The following DNM3 variants were observed in gnomAD, a reference collection of about 807,000 sequenced individuals.
DNM3 encodes dynamin-3.
In DNM3, 47 loss-of-function variants were observed where a neutral mutation model predicts 101.6. The observed-to-expected ratio is 0.46, with a 90% CI of 0.37 to 0.59. The LOEUF is 0.59. Among genes scored for constraint, DNM3 ranks in the 20% least tolerant of loss-of-function variants. The probability of loss-of-function intolerance (pLI) is 0.00; values close to 1 mark genes in which losing one functional copy is unlikely to be tolerated. For missense variants in DNM3, 849 were observed against 1,085.7 expected, an observed-to-expected ratio of 0.78 and a Z score of 3.06; for synonymous variants, 385 against 387.9, an observed-to-expected ratio of 0.99 and a Z score of 0.09.
chr1:172,010,555 C>A (rs1268895629), intron 4 of DNM3, among the ~76,000 whole-genome samples: 2 of 144,768 alleles, frequency 1.4e-5, no homozygotes, highest in Non-Finnish European at 3.0e-5. Flanking sequence ...GAGAAGTCTA[C>A]TGTTATTAGT....
In DNM3 at chr1:172,283,780, A is replaced by AAAAAAAAAAAAAAAAAG. The variant is rs1553221113; in HGVS notation, c.1770-24945_1770-24944insAAAAAAAAAAAAAGAAA. Among the ~76,000 whole-genome samples the AAAAAAAAAAAAAAAAAG allele has an allele frequency of 6.1e-4, 73 of 119,004 alleles. 1 individual carries two copies. Among genetic ancestry groups the AAAAAAAAAAAAAAAAAG allele is most frequent in the African/African-American group, 2.3e-3 (67 of 29,560 alleles). The allele number at this position is 119,004 out of a possible 152,430, so 78.1% of individuals were successfully genotyped here. A position where few individuals can be genotyped will look rare whatever the true frequency, so the allele number is the denominator to read the frequency against. ...ATCTCAAAAAAAAAAAAAAAAAAAAAAAAGAAAGAAAGAAAGAAAACCAAG... is the reference window on the plus strand; with the variant it reads ...ATCTCAAAAAAAAAAAAAAAAAAAAAAAAAAAAAAAAAAAAAGAAAGAAAGAAAGAAAGAAAACCAAG... On this transcript the variant is annotated intron_variant, in intron 15 of 20. Transcript: ENST00000627582.
At chr1:171,898,325 G>A (rs1179922928) in intron 1 of DNM3, among the ~76,000 whole-genome samples, 1 of 152,006 alleles carries the variant, frequency 6.6e-6, no homozygotes, top group African/African-American at 2.4e-5. Context: ...TGAGCATCCA[G>A]TATGTCCCTT....
chr1:172,274,838 C>T (rs2063220233), intron 15 of DNM3, among the ~76,000 whole-genome samples: 1 of 151,610 alleles, frequency 6.6e-6, no homozygotes, highest in African/African-American at 2.4e-5. Context: ...TTCAGCAGCA[C>T]TCAAACTGGT....
In DNM3 at chr1:172,274,408, A is replaced by G. The variant is rs191570157; in HGVS notation, c.1769+20726A>G. On this transcript the variant is annotated intron_variant, in intron 15 of 20. Transcript: ENST00000627582. ...ACTAAAGAGGACAGCCTTATCACCA[A>G]CAACATAAGCATATCCCTTGCTCTT... 1.1e-4 allele frequency among the ~76,000 whole-genome samples: 16 copies of G among 152,170 alleles called. No individual in the cohort carries two copies. In the East Asian group the frequency reaches 3.1e-3, roughly 29 times the overall value.
In DNM3 at chr1:171,865,527, A is replaced by T. The variant is rs1170422644; in HGVS notation, c.161+23710A>T. ...CAAGATCCTGTCTCAAAAAAAAAAA[A>T]AAAAAAAAAAAAAGAATGAAAAAAG... On this transcript the variant is annotated intron_variant, in intron 1 of 20. Coordinates refer to ENST00000627582, the MANE Select transcript of DNM3 (RefSeq NM_015569.5). Among the ~76,000 whole-genome samples the T allele has an allele frequency of 3.6e-3, 541 of 150,698 alleles. 6 individuals are homozygous for T. Among genetic ancestry groups the T allele is most frequent in the African/African-American group, 0.012 (500 of 41,202 alleles).
intron 2 of DNM3, among the ~76,000 whole-genome samples, chr1:171,964,847 G>A (rs1376051884): frequency 6.6e-6 from 1 of 151,708 alleles, no homozygotes; most frequent in Non-Finnish European, 1.5e-5. Context: ...TCTCTTCCCT[G>A]GGAACCTCCG....
chr1:172,201,610 T>A (rs989583089), intron 14 of DNM3, among the ~76,000 whole-genome samples: 1 of 152,200 alleles, frequency 6.6e-6, no homozygotes, highest in Non-Finnish European at 1.5e-5. Context: ...TGGCCTCCTC[T>A]CCTTGGGTTG....
intron 7 of DNM3, among the ~76,000 whole-genome samples, chr1:172,040,107 T>C (rs1398549521): frequency 1.3e-5 from 2 of 152,124 alleles, no homozygotes; most frequent in East Asian, 3.9e-4. Flanking sequence ...AGAACTTTGG[T>C]AACATTTGTT....
At chr1:172,310,095 C>T (rs1471398453) in intron 16 of DNM3, 1 of 152,192 alleles carries the variant, frequency 6.6e-6, no homozygotes, top group South Asian at 2.1e-4. Flanking sequence ...TCGAGTTGTT[C>T]TCCTGTTATA....
intron 4 of DNM3, among the ~76,000 whole-genome samples, chr1:172,007,805 A>G (rs2046797332): frequency 6.6e-6 from 1 of 152,054 alleles, no homozygotes; most frequent in Admixed American, 6.6e-5. Flanking sequence ...ATTGCTCTTT[A>G]CATATACTGG....
chr1:172,296,148 T>C (rs558196314), intron 15 of DNM3, among the ~76,000 whole-genome samples: 1 of 152,354 alleles, frequency 6.6e-6, no homozygotes, highest in African/African-American at 2.4e-5. Flanking sequence ...GAATACCTAC[T>C]AGTGCTGGTC....
chr1:171,877,449 C>G (rs952264747), intron 1 of DNM3, among the ~76,000 whole-genome samples: 5 of 152,170 alleles, frequency 3.3e-5, no homozygotes, highest in Non-Finnish European at 7.3e-5. Context: ...TTAGTCTCTT[C>G]TCCACAACAA....
At chr1:171,971,933 A>G (rs1011617917) in intron 2 of DNM3, among the ~76,000 whole-genome samples, 56 of 152,182 alleles carry the variant, frequency 3.7e-4, no homozygotes, top group African/African-American at 1.2e-3. Flanking sequence ...TCTAAAAGGA[A>G]AGTCTGAGAG....
chr1:172,084,884 T>A (rs1183571345), intron 12 of DNM3, among the ~76,000 whole-genome samples: 1 of 152,094 alleles, frequency 6.6e-6, no homozygotes, highest in Non-Finnish European at 1.5e-5. Context: ...TTGGATGACT[T>A]TTTGTTCTAA....
chr1:172,133,742 G>T (rs1447476860), intron 14 of DNM3, among the ~76,000 whole-genome samples: 1 of 152,124 alleles, frequency 6.6e-6, no homozygotes, highest in African/African-American at 2.4e-5. Flanking sequence ...CTGAGATGAT[G>T]AGCTGTGCAG....
intron 1 of DNM3, among the ~76,000 whole-genome samples, chr1:171,848,293 A>G (rs7556437): frequency 0.19 from 28,347 of 152,000 alleles, 3,048 homozygotes; most frequent in East Asian, 0.48. Context: ...ACCAGCAGTG[A>G]CATTGCATTT....
At chr1:172,189,722 G>T (rs1024716366) in intron 14 of DNM3, among the ~76,000 whole-genome samples, 1 of 151,984 alleles carries the variant, frequency 6.6e-6, no homozygotes, top group Non-Finnish European at 1.5e-5. Context: ...AGTTCTGCAG[G>T]CTGTACAAGT....
At chr1:172,191,148 A>G (rs189771273) in intron 14 of DNM3, among the ~76,000 whole-genome samples, 12 of 152,218 alleles carry the variant, frequency 7.9e-5, no homozygotes, top group African/African-American at 2.9e-4. Flanking sequence ...TTATGGTTTT[A>G]GTTCTAACAT....
intron 20 of DNM3, among the ~76,000 whole-genome samples, chr1:172,396,834 C>G (rs2070043295): frequency 6.6e-6 from 1 of 152,074 alleles, no homozygotes; most frequent in African/African-American, 2.4e-5. Flanking sequence ...TAGTATATAT[C>G]TCATCTAGAA....
Sources: gnomAD v4.1 joint callset for allele counts (sites outside exome capture counted in the v4.1 genomes callset) on GRCh38, gnomAD v4.1.1 for gene constraint, MANE v1.5 for transcripts, NCBI Gene and HGNC (gene_info 2026-07-23, HGNC 2026-07-21) for gene names.